The following SOX6 variants were observed in gnomAD, a reference collection of about 807,000 sequenced individuals.
SOX6 encodes SRY-box transcription factor 6.
In SOX6, 11 loss-of-function variants were observed where a neutral mutation model predicts 97.8. The ratio of observed to expected loss-of-function variants is 0.11; its 90% CI spans 0.07 to 0.19. The LOEUF (loss-of-function observed/expected upper bound fraction) is 0.19. SOX6 is among the 10% of genes least tolerant of loss of function. The probability of loss-of-function intolerance (pLI) is 1.00; values close to 1 mark genes in which losing one functional copy is unlikely to be tolerated. For synonymous variants in SOX6, 360 were observed against 371.4 expected (o/e 0.97, Z 0.35); for missense variants, 810 against 1,039.5 (o/e 0.78, Z 3.04).
intron 3 of SOX6, among the ~76,000 whole-genome samples, chr11:16,248,136 T>C (rs1853395864): frequency 6.6e-6 from 1 of 152,148 alleles, no homozygotes; most frequent in African/African-American, 2.4e-5. Context: ...CACATCCAGG[T>C]CATGCAGATA....
intron 4 of SOX6, among the ~76,000 whole-genome samples, chr11:16,553,125 C>T (rs1847708760): frequency 6.6e-6 from 1 of 152,118 alleles, no homozygotes; most frequent in Non-Finnish European, 1.5e-5. Flanking sequence ...TTATAACTTT[C>T]CTCCTAGTAA....
At chr11:15,994,964 T>C (rs1854179062) in intron 13 of SOX6, among the ~76,000 whole-genome samples, 1 of 152,222 alleles carries the variant, frequency 6.6e-6, no homozygotes, top group African/African-American at 2.4e-5. Flanking sequence ...AATTCTGTTT[T>C]CATAGTTTTT....
chr11:16,037,448 GC>G (rs1362207793), intron 12 of SOX6, among the ~76,000 whole-genome samples: 1 of 152,174 alleles, frequency 6.6e-6, no homozygotes, highest in Non-Finnish European at 1.5e-5. Context: ...GTGCAAAAGA[GC>G]CCAAGGCCAA....
chr11:16,662,506 T>C (rs1463034007), intron 3 of SOX6, among the ~76,000 whole-genome samples: 1 of 152,204 alleles, frequency 6.6e-6, no homozygotes, highest in Non-Finnish European at 1.5e-5. Flanking sequence ...TAACAAAACA[T>C]TGGCAAATCA....
intron 4 of SOX6, among the ~76,000 whole-genome samples, chr11:16,529,574 T>C (rs1187191224): frequency 6.6e-6 from 1 of 152,130 alleles, no homozygotes; most frequent in Non-Finnish European, 1.5e-5. Flanking sequence ...CAAATGTTGC[T>C]ATCCAGCTAA....
intron 13 of SOX6, among the ~76,000 whole-genome samples, chr11:16,005,203 T>G (rs10741689): frequency 0.31 from 46,481 of 151,876 alleles, 8,570 homozygotes; most frequent in Non-Finnish European, 0.41. Context: ...ATAAGTTAAC[T>G]GAAGAATGCA....
intron 3 of SOX6, among the ~76,000 whole-genome samples, chr11:16,705,850 A>G (rs1848128303): frequency 6.6e-6 from 1 of 152,246 alleles, no homozygotes; most frequent in Non-Finnish European, 1.5e-5. Flanking sequence ...TTTTAGTAAA[A>G]GAAATGAGAA....
At chr11:16,373,348 G>T (rs1315409934) in intron 1 of SOX6, among the ~76,000 whole-genome samples, 1 of 151,994 alleles carries the variant, frequency 6.6e-6, no homozygotes, top group Non-Finnish European at 1.5e-5. Flanking sequence ...CAAGCAAACG[G>T]GTCCTTCTTC....
intron 3 of SOX6, among the ~76,000 whole-genome samples, chr11:16,272,743 T>C (rs1177235773): frequency 6.6e-6 from 1 of 151,786 alleles, no homozygotes; most frequent in African/African-American, 2.4e-5. Flanking sequence ...TAAGTTCCCA[T>C]ATACATTCAA....
intron 12 of SOX6, among the ~76,000 whole-genome samples, chr11:16,044,901 G>C (rs1564923209): frequency 6.6e-6 from 1 of 151,998 alleles, no homozygotes; most frequent in Non-Finnish European, 1.5e-5. Context: ...CTGGGACTCA[G>C]TTATATTCAG....
rs372372378 is a variant in SOX6 at position 16,132,398 on chromosome 11, G to GA, written c.778-20476dup. Among the ~76,000 whole-genome samples the GA allele has an allele frequency of 7.5e-4, 36 of 48,164 alleles. 2 individuals are homozygous for GA. Among genetic ancestry groups the GA allele is most frequent in the African/African-American group, 3.2e-3 (34 of 10,506 alleles). 31.6% of individuals were successfully genotyped at this position (48,164 alleles called of 152,430 possible). Reference sequence around the variant, plus strand: ...AGAAAGAAAGAAAGAAAGAAAGAAAGAAAAAAGAAAGAAAGAAAGAAAGAA... The same window carrying GA: ...AGAAAGAAAGAAAGAAAGAAAGAAAGAAAAAAAGAAAGAAAGAAAGAAAGAA... On this transcript the variant is annotated intron_variant, in intron 6 of 15. Transcript: ENST00000683767.
At chr11:16,590,198 T>C (rs908060184) in intron 4 of SOX6, among the ~76,000 whole-genome samples, 4 of 152,170 alleles carry the variant, frequency 2.6e-5, no homozygotes, top group Non-Finnish European at 5.9e-5. Context: ...CAAAAAGAAA[T>C]GTCAGGTAGG....
intron 9 of SOX6, among the ~76,000 whole-genome samples, chr11:16,085,527 T>G (rs536061912): frequency 4.6e-5 from 7 of 152,244 alleles, no homozygotes; most frequent in Admixed American, 4.6e-4. Context: ...ACTTTCCAAT[T>G]TTTTTAGAAA....
chr11:15,970,811 T>C lies in SOX6; in HGVS notation c.*1998A>G, dbSNP rs1359716947. 6.5e-6 allele frequency: 1 copy of C among 152,684 alleles called. No individual in the cohort carries two copies. The highest frequency in any genetic ancestry group is 6.5e-5 in the Admixed American group (1 of 15,290). The allele number at this position is 152,684 out of a possible 1,614,324, so 9.5% of individuals were successfully genotyped here. ...AAGTGACAAAATGGCTCAAGAAATC[T>C]GATGGGGCCATTCCTATGTCCTGGT... On this transcript the variant is annotated 3_prime_UTR_variant, in exon 16 of 16. Transcript: ENST00000683767.
intron 1 of SOX6, among the ~76,000 whole-genome samples, chr11:16,448,304 A>G (rs925853879): frequency 3.9e-5 from 6 of 152,318 alleles, no homozygotes; most frequent in South Asian, 4.1e-4. Flanking sequence ...CTTTGAGCTC[A>G]TGTGTTTCCT....
At chr11:16,322,374 C>T (rs556401037) in intron 2 of SOX6, among the ~76,000 whole-genome samples, 7 of 152,216 alleles carry the variant, frequency 4.6e-5, no homozygotes, top group Non-Finnish European at 7.4e-5. Context: ...ACATAAGATG[C>T]GCCTGCTTCC....
intron 12 of SOX6, among the ~76,000 whole-genome samples, chr11:16,018,870 A>T (rs1854963746): frequency 6.6e-6 from 1 of 152,130 alleles, no homozygotes; most frequent in Non-Finnish European, 1.5e-5. Context: ...ACCATAATGT[A>T]AACTGGGACA....
chr11:16,197,192 G>C (rs1270280975), intron 4 of SOX6, among the ~76,000 whole-genome samples: 1 of 152,000 alleles, frequency 6.6e-6, no homozygotes, highest in Non-Finnish European at 1.5e-5. Context: ...TTCCAGGTCT[G>C]TCATGAAACA....
At chr11:16,651,727 C>T (rs1422662848) in intron 3 of SOX6, among the ~76,000 whole-genome samples, 2 of 152,046 alleles carry the variant, frequency 1.3e-5, no homozygotes, top group African/African-American at 2.4e-5. Flanking sequence ...ACAAGGATGC[C>T]CACTCTCACC....
Sources: allele counts gnomAD v4.1 joint callset (sites outside exome capture counted in the v4.1 genomes callset), GRCh38; gene constraint gnomAD v4.1.1; transcripts MANE v1.5; gene names NCBI Gene and HGNC (gene_info 2026-07-23, HGNC 2026-07-21).